SDK1: variants seen among roughly 807,000 people sequenced by gnomAD.
SDK1 encodes the protein protein sidekick-1.
In SDK1, 157 loss-of-function variants were observed where a neutral mutation model predicts 245.5. That is an observed-to-expected ratio of 0.64 (90% CI 0.56 to 0.73). The LOEUF (loss-of-function observed/expected upper bound fraction) is 0.73. Ranked by LOEUF, SDK1 falls within the 30% of genes least tolerant of loss-of-function variation. The pLI, the probability that SDK1 is intolerant of heterozygous loss-of-function variation, is 0.00. For synonymous variants in SDK1, 1,647 were observed against 1,278.5 expected, an observed-to-expected ratio of 1.29 and a Z score of -6.15; for missense variants, 3,583 against 3,002.3, an observed-to-expected ratio of 1.19 and a Z score of -4.52.
At chr7:3,545,800 G>C (rs1005881268) in intron 1 of SDK1, among the ~76,000 whole-genome samples, 1 of 152,018 alleles carries the variant, frequency 6.6e-6, no homozygotes, top group Non-Finnish European at 1.5e-5. Flanking sequence ...CAAGCGAAAG[G>C]GTAATCAAAT....
In SDK1 at chr7:4,017,191, C is replaced by A; in HGVS notation, c.2441C>A (p.Pro814His). The A allele has an allele frequency of 1.2e-6, 2 of 1,612,442 alleles. No individual in the cohort carries two copies. Among genetic ancestry groups the A allele is most frequent in the South Asian group, 2.2e-5 (2 of 90,808 alleles). Residue 814 changes from proline (P) to histidine (H), a missense_variant, in exon 17 of 45, where the codon CCC (proline) becomes CAC (histidine). By Grantham distance (77) the Pro-to-His change is moderately conservative. Transcript: ENST00000404826. ...YILRYRLAGL[P>H]GEYQQRNITS... ...CGCAGGTACCGCCTGGCTGGCCTTC[C>A]CGGAGAGTACCAGCAGCGGAACATC... is the stretch of plus-strand genomic sequence containing the variant.
chr7:3,435,699 C>T lies in SDK1; in HGVS notation c.298+133815C>T, dbSNP rs372252952. Among the ~76,000 whole-genome samples the T allele has an allele frequency of 1.0e-3, 156 of 152,172 alleles. 1 individual carries two copies. Among genetic ancestry groups the T allele is most frequent in the African/African-American group, 3.6e-3 (148 of 41,518 alleles). ...AAAGAGGAAGTGAAGGGTAACTCAT[C>T]TCTATCCTACTTTACATGCCCCACC... On this transcript the variant is annotated intron_variant, in intron 1 of 44. Transcript: ENST00000404826.
intron 4 of SDK1, among the ~76,000 whole-genome samples, chr7:3,793,761 T>C (rs763348468): frequency 7.6e-4 from 115 of 151,652 alleles, no homozygotes; most frequent in Non-Finnish European, 1.5e-3. Flanking sequence ...TTAATGGCAG[T>C]GAGTGTGGTT....
At chr7:3,857,526 T>G (rs1780576798) in intron 5 of SDK1, among the ~76,000 whole-genome samples, 1 of 151,668 alleles carries the variant, frequency 6.6e-6, no homozygotes, top group African/African-American at 2.4e-5. Context: ...CTACAAAAAA[T>G]AATAAAAGAA....
Position 4,118,883 on chromosome 7 carries a change from G to C in SDK1, c.3823+4609G>C, listed in dbSNP as rs977725476. 2.7e-5 allele frequency among the ~76,000 whole-genome samples: 4 copies of C among 148,682 alleles called. 1 individual carries two copies. The highest frequency in any genetic ancestry group is 9.8e-5 in the African/African-American group (4 of 40,694). On this transcript the variant is annotated intron_variant, in intron 25 of 44. Transcript: ENST00000404826. ...GAAACATCTAGAATAGGCAAATCTAGAGAGGCAGAAAGTAAATTCATGGTT... is the reference window on the plus strand; with the variant it reads ...GAAACATCTAGAATAGGCAAATCTACAGAGGCAGAAAGTAAATTCATGGTT...
intron 17 of SDK1, among the ~76,000 whole-genome samples, chr7:4,044,802 C>T (rs1371667546): frequency 6.6e-6 from 1 of 152,162 alleles, no homozygotes; most frequent in Non-Finnish European, 1.5e-5. Flanking sequence ...TACAGTAAAA[C>T]TCACCCTTTC....
intron 39 of SDK1, 56 bp from the exon 40 acceptor site, chr7:4,221,183 G>A (rs1287392557): frequency 6.3e-7 from 1 of 1,599,518 alleles, no homozygotes; most frequent in African/African-American, 1.3e-5. Context: ...TCACGGGGTG[G>A]GATGTGAGCC....
At chr7:3,401,328 G>GTA (rs1450174203) in intron 1 of SDK1, among the ~76,000 whole-genome samples, 6 of 152,112 alleles carry the variant, frequency 3.9e-5, no homozygotes, top group Non-Finnish European at 5.9e-5. Flanking sequence ...CTGATAACTT[G>GTA]GAAGTTTAAA....
In SDK1 at chr7:3,846,203, T is replaced by TAC. The variant is rs61491555; in HGVS notation, c.847+24632_847+24633dup. ...GGGATGTGTGCCCAACACATGCATG[T>TAC]ACACACACACACAGGCAAGGAAAAA... On this transcript the variant is annotated intron_variant, in intron 5 of 44. Coordinates refer to ENST00000404826, the MANE Select transcript of SDK1 (RefSeq NM_152744.4). Among the ~76,000 whole-genome samples, 1,132 of 151,832 alleles carry TAC rather than the reference T, an allele frequency of 7.5e-3. 15 individuals are homozygous for TAC. Among genetic ancestry groups the TAC allele is most frequent in the African/African-American group, 0.025 (1,050 of 41,450 alleles).
rs537210756 is a variant in SDK1 at position 3,539,013 on chromosome 7, G to A, written c.299-80067G>A. On this transcript the variant is annotated intron_variant, in intron 1 of 44. Coordinates refer to ENST00000404826, the MANE Select transcript of SDK1 (RefSeq NM_152744.4). Reference sequence around the variant, plus strand: ...TTCAATGCAGTCACTAACTAGTGTGGCTCAGTTCATAGGAAAGAGTGTCTG... The same window carrying A: ...TTCAATGCAGTCACTAACTAGTGTGACTCAGTTCATAGGAAAGAGTGTCTG... Among the ~76,000 whole-genome samples the A allele has an allele frequency of 2.6e-5, 4 of 152,312 alleles. No homozygotes were observed. In the East Asian group the frequency reaches 7.7e-4, roughly 29 times the overall value.
intron 1 of SDK1, among the ~76,000 whole-genome samples, chr7:3,396,937 C>T (rs971998934): frequency 6.6e-6 from 1 of 151,248 alleles, no homozygotes; most frequent in African/African-American, 2.4e-5. Context: ...TTCCTTCATT[C>T]CTCCATGACT....
At chr7:3,393,570 A>G (rs922876767) in intron 1 of SDK1, among the ~76,000 whole-genome samples, 6 of 152,216 alleles carry the variant, frequency 3.9e-5, no homozygotes, top group African/African-American at 1.4e-4. Context: ...AAACTGGATT[A>G]TTCGCAGATC....
At position 4,113,317 on chromosome 7, in the gene SDK1, GGGCCGAGCCCCTACA is replaced by G; in HGVS notation, c.3465_3479del (p.Pro1158_Ser1162del). ...TCGAATGAAGCAAGTGAACATTGTTGGGCCGAGCCCCTACAGTCCGTCTTCCCGGGTCATCCAGAC... is the reference window on the plus strand; with the variant it reads ...TCGAATGAAGCAAGTGAACATTGTTGGTCCGTCTTCCCGGGTCATCCAGAC... On this transcript the variant is annotated inframe_deletion, in exon 24 of 45. Transcript: ENST00000404826. The G allele has an allele frequency of 6.2e-7, 1 of 1,613,824 alleles. No homozygotes were observed. The highest frequency in any genetic ancestry group is 8.5e-7 in the Non-Finnish European group (1 of 1,179,944).
intron 1 of SDK1, among the ~76,000 whole-genome samples, chr7:3,395,711 G>C (rs2128571652): frequency 6.6e-6 from 1 of 151,876 alleles, no homozygotes; most frequent in African/African-American, 2.4e-5. Flanking sequence ...TCCTTCTTTA[G>C]TCAGTTTTGG....
chr7:3,798,325 C>T (rs1214193610), intron 4 of SDK1, among the ~76,000 whole-genome samples: 3 of 147,312 alleles, frequency 2.0e-5, no homozygotes, highest in Non-Finnish European at 3.0e-5. Flanking sequence ...TCACACCATT[C>T]TCCTGCCTCA....
intron 1 of SDK1, among the ~76,000 whole-genome samples, chr7:3,518,037 G>A (rs1782806877): frequency 1.3e-5 from 2 of 151,854 alleles, no homozygotes; most frequent in Admixed American, 6.6e-5. Context: ...ACAGTTTTAG[G>A]CCCTTATTTT....
chr7:3,972,324 C>G (rs920641957), intron 12 of SDK1, among the ~76,000 whole-genome samples: 40 of 152,256 alleles, frequency 2.6e-4, no homozygotes, highest in African/African-American at 9.4e-4. Flanking sequence ...CGTGATCCAC[C>G]TGTCTCGGCC....
intron 5 of SDK1, among the ~76,000 whole-genome samples, chr7:3,880,990 T>A (rs1245592200): frequency 6.6e-6 from 1 of 152,156 alleles, no homozygotes. Context: ...CCACTCACCC[T>A]TGAGAACAAA....
At chr7:3,620,369 C>G (rs565894877) in intron 2 of SDK1, among the ~76,000 whole-genome samples, 2 of 151,554 alleles carry the variant, frequency 1.3e-5, no homozygotes, top group Non-Finnish European at 2.9e-5. Context: ...GTGGCGCGAT[C>G]TTGGCTCACT....
Sources: gnomAD v4.1 joint callset for allele counts (sites outside exome capture counted in the v4.1 genomes callset) on GRCh38, gnomAD v4.1.1 for gene constraint, MANE v1.5 for transcripts, NCBI Gene and HGNC (gene_info 2026-07-23, HGNC 2026-07-21) for gene names.